ZNF577: variants seen among roughly 807,000 people sequenced by gnomAD.
The protein encoded by ZNF577 is zinc finger protein 577.
A neutral mutation model predicts 13.9 loss-of-function variants in ZNF577; 14 were observed. That is an observed-to-expected ratio of 1.00 (90% CI 0.66 to 1.57). The LOEUF is 1.57. Among genes scored for constraint, ZNF577 ranks in the 40% most tolerant of loss-of-function variants. ZNF577 has a pLI of 0.00. For synonymous variants in ZNF577, 203 were observed against 202.9 expected (o/e 1.00, Z 0.00); for missense variants, 555 against 579.2 (o/e 0.96, Z 0.43).
At chr19:51,877,211 A>G in intron 5 of ZNF577, 71 bp downstream of exon 5, 1 of 1,361,690 alleles carries the variant, frequency 7.3e-7, no homozygotes. Flanking sequence ...CTTTAAAAGC[A>G]TCAACCCTTC....
At chr19:51,880,922 AG>A (rs2084852328) in intron 1 of ZNF577, 45 bp from the exon 2 acceptor site, 1 of 154,080 alleles carries the variant, frequency 6.5e-6, no homozygotes, top group Non-Finnish European at 1.4e-5. Flanking sequence ...ACATGCTCCT[AG>A]GATCACAAGT....
intron 9 of ZNF577, among the ~76,000 whole-genome samples, chr19:51,832,490 G>A (rs910121426): frequency 6.6e-6 from 1 of 151,954 alleles, no homozygotes; most frequent in African/African-American, 2.4e-5. Context: ...CAAGTAGCTG[G>A]GACTGGAGGT....
Position 51,833,208 on chromosome 19 carries a change from A to G in ZNF577, c.*599+6685T>C, listed in dbSNP as rs935281414. Among the ~76,000 whole-genome samples, 6 of 138,942 alleles carry G rather than the reference A, an allele frequency of 4.3e-5. No homozygotes were observed. The Admixed American group carries it at 4.4e-4, about 10-fold the overall frequency. 91.2% of individuals were successfully genotyped at this position (138,942 alleles called of 152,430 possible). A position where few individuals can be genotyped will look rare whatever the true frequency, so the allele number is the denominator to read the frequency against. On this transcript the variant is annotated intron_variant and NMD_transcript_variant, in intron 9 of 10. Coordinates refer to the ZNF577 transcript ENST00000638827. ...TATTTCAAAGAGTCTACCGGGCTCT[A>G]CCTGTGTTTCCCCTCCTACTCTGTG...
At chr19:51,810,407 T>C (rs1428517509) in intron 10 of ZNF577, among the ~76,000 whole-genome samples, 2 of 152,168 alleles carry the variant, frequency 1.3e-5, no homozygotes, top group Non-Finnish European at 2.9e-5. Context: ...AAATTGCACA[T>C]AGGGTTCCTG....
rs1164424030 is a variant in ZNF577 at position 51,868,590 on chromosome 19, T to G, written c.*3942A>C. Among the ~76,000 whole-genome samples, 2 of 152,118 alleles carry G rather than the reference T, an allele frequency of 1.3e-5. No homozygotes were observed. The highest frequency in any genetic ancestry group is 4.8e-5 in the African/African-American group (2 of 41,436). Reference sequence around the variant, plus strand: ...CTGCCAGATGAGCTCAGAATTAATATGCCCAAGGCCAATTCCCTCATAATG... The same window carrying G: ...CTGCCAGATGAGCTCAGAATTAATAGGCCCAAGGCCAATTCCCTCATAATG... On this transcript the variant is annotated 3_prime_UTR_variant, in exon 6 of 6. Coordinates refer to ENST00000638348, the MANE Select transcript of ZNF577 (RefSeq NM_001370449.1).
rs977842396 is a variant in ZNF577 at position 51,873,178 on chromosome 19, C to T, written c.812G>A (p.Gly271Glu). Residue 271 changes from glycine (G) to glutamate (E), a missense_variant, in exon 6 of 6, where the codon GGG becomes GAG. Gly to Glu is a moderately conservative substitution (Grantham distance 98). Coordinates refer to ENST00000638348, the MANE Select transcript of ZNF577 (RefSeq NM_001370449.1). ...AAAGGCTTTCCCACACACACTGCAC[C>T]CATAGAGTTTCTCTCCAGTATGTGA... ...QRSHTGEKLYGCSVCGKAFSQ... is the reference protein window; with the variant it reads ...QRSHTGEKLYECSVCGKAFSQ... 4 of 1,613,826 alleles carry T rather than the reference C, an allele frequency of 2.5e-6. No homozygotes were observed. The African/African-American group carries it at 5.3e-5, about 22-fold the overall frequency.
chr19:51,875,040 G>A lies in ZNF577; in HGVS notation c.284-1334C>T, dbSNP rs1044561704. Among the ~76,000 whole-genome samples the A allele has an allele frequency of 3.3e-5, 5 of 152,014 alleles. No homozygotes were observed. In the East Asian group the frequency reaches 9.6e-4, roughly 29 times the overall value. ...CAAAACAATATATGACCATTACTAA[G>A]TTAGTGCAGCATAGACACAAAGGAG... On this transcript the variant is annotated intron_variant, in intron 5 of 5. Transcript: ENST00000638348.
At chr19:51,823,948 T>A (rs2084210605) in intron 9 of ZNF577, 4 of 1,614,016 alleles carry the variant, frequency 2.5e-6, no homozygotes, top group Non-Finnish European at 3.4e-6. Flanking sequence ...TACCTGAACC[T>A]GGCCCTAGCT....
At chr19:51,865,987 C>T (rs140626011), downstream of ZNF577, among the ~76,000 whole-genome samples, 3,061 of 151,960 alleles carry the variant, frequency 0.02, 48 homozygotes, top group Middle Eastern at 0.051. Flanking sequence ...TGGTGGCACA[C>T]GCATGTAATC....
intron 5 of ZNF577, among the ~76,000 whole-genome samples, chr19:51,852,776 T>C (rs1031681491): frequency 6.6e-6 from 1 of 152,234 alleles, no homozygotes. Context: ...TGTCCACATA[T>C]AGGTGTTCCC....
Position 51,873,549 on chromosome 19 carries a change from G to C in ZNF577, c.441C>G (p.Asp147Glu). The C allele has an allele frequency of 6.2e-7, 1 of 1,614,128 alleles. No individual in the cohort carries two copies. Among genetic ancestry groups the C allele is most frequent in the South Asian group, 1.1e-5 (1 of 91,088 alleles). ...KPSSPKSQLN[D>E]LQKICAGGKP... ...TCCCTCCTGCACAAATTTTTTGTAGGTCATTGAGCTGTGATTTAGGGCTGC... is the reference window on the plus strand; with the variant it reads ...TCCCTCCTGCACAAATTTTTTGTAGCTCATTGAGCTGTGATTTAGGGCTGC... The change falls in exon 6 of 6, where the codon GAC becomes GAG. Residue 147 changes from aspartate (D) to glutamate (E), a missense_variant. Coordinates refer to ENST00000638348, the MANE Select transcript of ZNF577 (RefSeq NM_001370449.1).
chr19:51,852,934 T>C (rs2084386320), intron 5 of ZNF577, among the ~76,000 whole-genome samples: 1 of 61,456 alleles, frequency 1.6e-5, no homozygotes, highest in Non-Finnish European at 2.8e-5. Flanking sequence ...TTTTCTTTTC[T>C]TTTTTTTTTT....
intron 3 of ZNF577, 171 bp from the exon 4 acceptor site, chr19:51,878,686 G>A (rs2084808397): frequency 6.1e-6 from 4 of 656,468 alleles, no homozygotes; most frequent in South Asian, 4.3e-5. Context: ...CTAAAAGCAC[G>A]AAGGCAGTAC....
At chr19:51,805,815 C>T (rs2084055094) in intron 10 of ZNF577, among the ~76,000 whole-genome samples, 1 of 152,142 alleles carries the variant, frequency 6.6e-6, no homozygotes, top group Non-Finnish European at 1.5e-5. Context: ...AATTATCATG[C>T]CTAAGGCTCT....
chr19:51,865,285 CAG>C (rs1270361862), downstream of ZNF577, among the ~76,000 whole-genome samples: 1 of 152,228 alleles, frequency 6.6e-6, no homozygotes, highest in African/African-American at 2.4e-5. Flanking sequence ...TTAGTAGAGA[CAG>C]GGTTTCGCCA....
At chr19:51,806,416 T>C (rs1467574293) in intron 10 of ZNF577, among the ~76,000 whole-genome samples, 8 of 152,244 alleles carry the variant, frequency 5.3e-5, no homozygotes, top group Non-Finnish European at 1.2e-4. Context: ...TCTTTTCCTC[T>C]AACACTTGCC....
Position 51,872,370 on chromosome 19 carries a change from AC to A in ZNF577, c.*161del, listed in dbSNP as rs2084672433. 2 of 587,292 alleles carry A rather than the reference AC, an allele frequency of 3.4e-6. No homozygotes were observed. The allele number at this position is 587,292 out of a possible 1,614,324, so 36.4% of individuals were successfully genotyped here. A position where few individuals can be genotyped will look rare whatever the true frequency, so the allele number is the denominator to read the frequency against. On this transcript the variant is annotated 3_prime_UTR_variant, in exon 6 of 6. Transcript: ENST00000638348. ...ACTTCCTCATAACAGCTGCATTTCT[AC>A]CCAACATGATTTCAATGGTGTTTAA...
Position 51,824,902 on chromosome 19 carries a change from A to G in ZNF577, c.*600-13228T>C. On this transcript the variant is annotated intron_variant and NMD_transcript_variant, in intron 9 of 10. Coordinates refer to the ZNF577 transcript ENST00000638827. This position sits in a 1 kb window ranked among gnomAD's most constrained non-coding sequence, Gnocchi z 4.7. ...AGTGTTTTTCTTCCTCTTTCATACC[A>G]CCACCACCACAATCATCAACATAAA... The G allele has an allele frequency of 1.1e-6, 1 of 943,800 alleles. No homozygotes were observed. The highest frequency in any genetic ancestry group is 1.6e-6 in the Non-Finnish European group (1 of 632,990). 58.5% of individuals were successfully genotyped at this position (943,800 alleles called of 1,614,324 possible).
At chr19:51,826,610 A>T (rs2084233244) in intron 9 of ZNF577, among the ~76,000 whole-genome samples, 1 of 152,246 alleles carries the variant, frequency 6.6e-6, no homozygotes, top group Admixed American at 6.5e-5. Flanking sequence ...CCTGCTGCAC[A>T]GACAAAACCA....
Sources: allele counts gnomAD v4.1 joint callset (sites outside exome capture counted in the v4.1 genomes callset), GRCh38; gene constraint gnomAD v4.1.1; non-coding constraint Gnocchi (gnomAD v3.1); transcripts MANE v1.5; gene names NCBI Gene and HGNC (gene_info 2026-07-23, HGNC 2026-07-21).